The following FBXO34 variants were observed in gnomAD, a reference collection of about 807,000 sequenced individuals.
FBXO34 encodes F-box only protein 34.
FBXO34 carries 12 observed loss-of-function variants against 24.5 expected under a neutral mutation model. The ratio of observed to expected loss-of-function variants is 0.49; its 90% CI spans 0.31 to 0.79. FBXO34 has a LOEUF of 0.79. Among genes scored for constraint, FBXO34 ranks in the 30% least tolerant of loss-of-function variants. The pLI is 0.04. For missense variants in FBXO34, 823 were observed against 857.7 expected (o/e 0.96, Z 0.51); for synonymous variants, 320 against 311.9 (o/e 1.03, Z -0.27).
chr14:55,391,023 C>T, the FBXO34 span: 29 of 1,506,874 alleles, frequency 1.9e-5, no homozygotes, highest in Admixed American at 1.5e-4. Flanking sequence ...ATATCACAAA[C>T]GTTGGTCTCT....
downstream of FBXO34, among the ~76,000 whole-genome samples, chr14:55,370,117 T>A (rs1403192689): frequency 6.6e-6 from 1 of 152,138 alleles, no homozygotes; most frequent in Non-Finnish European, 1.5e-5. Context: ...TCCACCCAAG[T>A]TATAAATAAA....
the FBXO34 span, chr14:55,435,702 C>T: frequency 1.8e-6 from 1 of 567,160 alleles, no homozygotes; most frequent in South Asian, 2.5e-5. Flanking sequence ...TAACTCAAAA[C>T]AGATATTAAC....
At chr14:55,288,535 G>A (rs1160885143) in intron 1 of FBXO34, among the ~76,000 whole-genome samples, 9 of 152,046 alleles carry the variant, frequency 5.9e-5, no homozygotes, top group African/African-American at 1.9e-4. Flanking sequence ...AACCACGTAC[G>A]GCCTGTTTGA....
the FBXO34 span, chr14:55,390,974 A>C: frequency 2.5e-6 from 4 of 1,606,896 alleles, no homozygotes; most frequent in Non-Finnish European, 3.4e-6. Flanking sequence ...CTCATCTTGC[A>C]GGACATTATT....
intron 1 of FBXO34, among the ~76,000 whole-genome samples, chr14:55,289,121 T>G (rs775999277): frequency 5.9e-5 from 9 of 152,172 alleles, no homozygotes; most frequent in Non-Finnish European, 1.5e-5. Context: ...CTCTTTTTGG[T>G]GAAAATGTTT....
chr14:55,280,944 T>C (rs1051261308), intron 1 of FBXO34, among the ~76,000 whole-genome samples: 4 of 152,118 alleles, frequency 2.6e-5, no homozygotes, highest in African/African-American at 9.7e-5. Flanking sequence ...TAATTTACCA[T>C]TTTCTAGTTA....
chr14:55,348,980 G>A lies in FBXO34; in HGVS notation c.-10-1401G>A, dbSNP rs371371608. On this transcript the variant is annotated intron_variant, in intron 1 of 1. Transcript: ENST00000313833. The stretch of plus-strand genomic sequence containing the variant: ...GTTCAGCTGCTGTCCCAGTGAGCAA[G>A]AGTAGGTGAAACTTCACGTGCTTAG... 2.6e-5 allele frequency among the ~76,000 whole-genome samples: 4 copies of A among 152,264 alleles called. No individual in the cohort carries two copies. In the East Asian group the frequency reaches 5.8e-4, roughly 22 times the overall value.
At chr14:55,395,695 G>A in the FBXO34 span, among the ~76,000 whole-genome samples, 2 of 152,112 alleles carry the variant, frequency 1.3e-5, no homozygotes, top group African/African-American at 4.8e-5. Flanking sequence ...ACAGCCCATT[G>A]TTTTTGTTTT....
At chr14:55,318,953 C>T (rs1436133064) in intron 1 of FBXO34, among the ~76,000 whole-genome samples, 1 of 152,084 alleles carries the variant, frequency 6.6e-6, no homozygotes, top group Non-Finnish European at 1.5e-5. Flanking sequence ...GTTAGACTCT[C>T]ATTGTGCTTA....
At chr14:55,433,666 A>G in the FBXO34 span, 1 of 1,614,006 alleles carries the variant, frequency 6.2e-7, no homozygotes, top group Non-Finnish European at 8.5e-7. Context: ...CCCAGAGCTA[A>G]ATATAAGGGC....
the FBXO34 span, among the ~76,000 whole-genome samples, chr14:55,412,040 C>T: frequency 5.9e-5 from 9 of 152,180 alleles, no homozygotes; most frequent in Non-Finnish European, 5.9e-5. Flanking sequence ...AGGGGCTAGT[C>T]GGCCAAACAA....
chr14:55,380,875 A>ATATATTTTT, the FBXO34 span, among the ~76,000 whole-genome samples: 2 of 112,702 alleles, frequency 1.8e-5, no homozygotes, highest in African/African-American at 7.6e-5. Flanking sequence ...ATATATATAT[A>ATATATTTTT]TTTTTTTTTT....
intron 1 of FBXO34, among the ~76,000 whole-genome samples, chr14:55,273,941 GA>G (rs1401567844): frequency 1.3e-5 from 2 of 152,170 alleles, no homozygotes; most frequent in African/African-American, 2.4e-5. Flanking sequence ...GAATAGCTGG[GA>G]CTACCGGTGC....
chr14:55,352,397 C>G lies in FBXO34; in HGVS notation c.2007C>G (p.His669Gln). The change falls in exon 2 of 2, where the codon CAC becomes CAG. Residue 669 changes from histidine (H) to glutamine (Q), a missense_variant. This residue lies in a region of FBXO34 where 130 missense variants were observed against 198.6 expected (regional missense o/e 0.65). Coordinates refer to ENST00000313833, the MANE Select transcript of FBXO34 (RefSeq NM_017943.4). ...PYGPGYWMCC[H>Q]RSQKGFPGCK... ...GGCCAGGGTATTGGATGTGCTGCCA[C>G]CGGTCTCAGAAAGGATTCCCTGGCT... The G allele has an allele frequency of 6.2e-7, 1 of 1,614,226 alleles. No homozygotes were observed. The highest frequency in any genetic ancestry group is 8.5e-7 in the Non-Finnish European group (1 of 1,180,040).
the FBXO34 span, chr14:55,414,241 G>C: frequency 1.5e-6 from 1 of 649,630 alleles, no homozygotes; most frequent in Non-Finnish European, 2.6e-6. Context: ...CGTTTCTTAG[G>C]TTACTTACAC....
intron 1 of FBXO34, among the ~76,000 whole-genome samples, chr14:55,323,804 T>A (rs1455520391): frequency 6.6e-6 from 1 of 152,222 alleles, no homozygotes; most frequent in Non-Finnish European, 1.5e-5. Flanking sequence ...AGGTTCAGTT[T>A]ATTGAACCAC....
At chr14:55,340,611 G>C (rs562400180) in intron 1 of FBXO34, among the ~76,000 whole-genome samples, 1 of 152,060 alleles carries the variant, frequency 6.6e-6, no homozygotes, top group East Asian at 1.9e-4. Flanking sequence ...TTAAAATTCA[G>C]TTACGTATAA....
At chr14:55,395,576 T>C in the FBXO34 span, among the ~76,000 whole-genome samples, 2 of 152,244 alleles carry the variant, frequency 1.3e-5, no homozygotes, top group Non-Finnish European at 2.9e-5. Flanking sequence ...TTTATAAAGG[T>C]TCTCCCCACT....
intron 1 of FBXO34, among the ~76,000 whole-genome samples, chr14:55,303,568 T>TA (rs1882436875): frequency 6.6e-6 from 1 of 151,296 alleles, no homozygotes; most frequent in Non-Finnish European, 1.5e-5. Context: ...ATTTGGTAGC[T>TA]AGGACAACTC....
Sources: gnomAD v4.1 joint callset for allele counts (sites outside exome capture counted in the v4.1 genomes callset) on GRCh38, gnomAD v4.1.1 for gene constraint, gnomAD v4.1.1 regional missense constraint, MANE v1.5 for transcripts, NCBI Gene and HGNC (gene_info 2026-07-23, HGNC 2026-07-21) for gene names.